The following ICAM3 variants were observed in gnomAD, a reference collection of about 807,000 sequenced individuals.
The protein encoded by ICAM3 is intercellular adhesion molecule 3.
Under a neutral mutation model 43.6 loss-of-function variants are expected in ICAM3, and 54 were observed. That is an observed-to-expected ratio of 1.24 (90% CI 0.99 to 1.55). The LOEUF is 1.55. Among genes scored for constraint, ICAM3 ranks in the 40% most tolerant of loss-of-function variants. The pLI is 0.00. For synonymous variants in ICAM3, 306 were observed against 312.6 expected (o/e 0.98, Z 0.22); for missense variants, 715 against 717.9 (o/e 1.00, Z 0.05).
rs376533851 is a variant in ICAM3, at chr19:10,338,708, G to A, written c.317C>T (p.Thr106Ile). Residue 106 changes from threonine (T) to isoleucine (I), a missense_variant, in exon 2 of 7, where the codon ACA becomes ATA. Physicochemically the swap from Thr to Ile is moderately conservative, Grantham distance 89. Coordinates refer to ENST00000160262, the MANE Select transcript of ICAM3 (RefSeq NM_002162.5). ...GTACACGGTGATGTTAGAGGAGCCT[G>A]TTATCTGAGAGCCATTGCAGTACAC... is the stretch of plus-strand genomic sequence containing the variant. The part of the protein sequence containing the change: ...CSVYCNGSQI[T>I]GSSNITVYRL... The A allele has an allele frequency of 6.2e-7, 1 of 1,614,100 alleles. No homozygotes were observed. Among genetic ancestry groups the A allele is most frequent in the Non-Finnish European group, 8.5e-7 (1 of 1,180,000 alleles).
chr19:10,339,498 A>G, intron 1 of ICAM3, 41 bp downstream of exon 1: 1 of 1,573,046 alleles, frequency 6.4e-7, no homozygotes, highest in South Asian at 1.1e-5. Context: ...GATCCCCAAA[A>G]CGCAGCCCTC....
chr19:10,339,607 G>C lies in ICAM3; in HGVS notation c.8C>G (p.Thr3Ser), dbSNP rs758342700. 5 of 1,613,810 alleles carry C rather than the reference G, an allele frequency of 3.1e-6. No homozygotes were observed. Among genetic ancestry groups the C allele is most frequent in the Non-Finnish European group, 3.4e-6 (4 of 1,179,910 alleles). ...GGGCCACAACACGGATGGTACCATG[G>C]TGGCCATTCTGACAGAGGAAGGTGC... MA[T>S]MVPSVLWPRA... The change falls in exon 1 of 7, where the codon ACC becomes AGC. Residue 3 changes from threonine to serine, a missense_variant. Thr to Ser is a moderately conservative substitution (Grantham distance 58, BLOSUM62 1). Transcript: ENST00000160262.
intron 2 of ICAM3, among the ~76,000 whole-genome samples, chr19:10,337,943 G>A (rs2040615814): frequency 6.6e-6 from 1 of 152,126 alleles, no homozygotes; most frequent in Non-Finnish European, 1.5e-5. Flanking sequence ...TGTAATCCCA[G>A]CACTTTGAGA....
chr19:10,333,919 G>C lies in ICAM3; in HGVS notation c.1582C>G (p.Leu528Val). The C allele has an allele frequency of 6.2e-7, 1 of 1,614,176 alleles. No homozygotes were observed. The highest frequency in any genetic ancestry group is 8.5e-7 in the Non-Finnish European group (1 of 1,180,042). Residue 528 changes from leucine (L) to valine (V), a missense_variant, in exon 7 of 7, where the codon CTG becomes GTG. Physicochemically the swap from Leu to Val is conservative, Grantham distance 32. Transcript: ENST00000160262. This position sits in a 1 kb window ranked among gnomAD's most constrained non-coding sequence, Gnocchi z 4.2. ...GTCGGCTGCATAGACGTGAGGGGCAGATAGGTGCTCTCCTCCCTAACATGG... is the reference window on the plus strand; with the variant it reads ...GTCGGCTGCATAGACGTGAGGGGCACATAGGTGCTCTCCTCCCTAACATGG... ...SYHVREESTY[L>V]PLTSMQPTEA...
In ICAM3 at chr19:10,335,710, A is replaced by G; in HGVS notation, c.610T>C (p.Phe204Leu). The G allele has an allele frequency of 6.2e-7, 1 of 1,609,342 alleles. No homozygotes were observed. The highest frequency in any genetic ancestry group is 8.5e-7 in the Non-Finnish European group (1 of 1,178,364). Residue 204 changes from phenylalanine to leucine, a missense_variant, in exon 3 of 7, where the codon TTC becomes CTC. Phe to Leu is a conservative substitution (Grantham distance 22, BLOSUM62 0). Coordinates refer to ENST00000160262, the MANE Select transcript of ICAM3 (RefSeq NM_002162.5). ...LDMQPQGLGL[F>L]VNTSAPRQLR... ...TGGCGGGGGGCTGAGGTGTTCACGA[A>G]CAGTCCCAGCCCCTGGGGCTGCATG... is the stretch of plus-strand genomic sequence containing the variant.
At position 10,334,898 on chromosome 19, in the gene ICAM3, A is replaced by G. The variant is rs2040570537; in HGVS notation, c.938-116T>C. 1.4e-6 allele frequency: 2 copies of G among 1,460,988 alleles called. No individual in the cohort carries two copies. Among genetic ancestry groups the G allele is most frequent in the South Asian group, 2.7e-5 (2 of 73,526 alleles). The allele number at this position is 1,460,988 out of a possible 1,614,324, so 90.5% of individuals were successfully genotyped here. ...ATCCGGGCCACGCTTTCGGCCGTTC[A>G]AGCCTCGCCCTCTTTCCGCGCTGTG... On this transcript the variant is annotated intron_variant, in intron 4 of 6. Coordinates refer to ENST00000160262, the MANE Select transcript of ICAM3 (RefSeq NM_002162.5). This position sits in a 1 kb window ranked among gnomAD's most constrained non-coding sequence, Gnocchi z 5.5.
At position 10,334,087 on chromosome 19, in the gene ICAM3, T is replaced by C. The variant is rs544182900; in HGVS notation, c.1442-28A>G. ...GTGCAGAGAAAGCGCTAAGTCAATA[T>C]GCGTCCCTTCTGTCTCCAACCCCCC... On this transcript the variant is annotated intron_variant, in intron 6 of 6. Coordinates refer to ENST00000160262, the MANE Select transcript of ICAM3 (RefSeq NM_002162.5). This position sits in a 1 kb window ranked among gnomAD's most constrained non-coding sequence, Gnocchi z 5.5. The C allele has an allele frequency of 6.2e-7, 1 of 1,612,068 alleles. No homozygotes were observed. The highest frequency in any genetic ancestry group is 2.2e-5 in the East Asian group (1 of 44,818).
Position 10,334,665 on chromosome 19 carries a change from G to A in ICAM3, c.1055C>T (p.Ala352Val). The A allele has an allele frequency of 1.9e-6, 3 of 1,613,310 alleles. No individual in the cohort carries two copies. The highest frequency in any genetic ancestry group is 1.3e-5 in the African/African-American group (1 of 75,038). Residue 352 changes from alanine to valine, a missense_variant, in exon 5 of 7, where the codon GCG becomes GTG. Physicochemically the swap from Ala to Val is moderately conservative, Grantham distance 64. Transcript: ENST00000160262. This position sits in a 1 kb window ranked among gnomAD's most constrained non-coding sequence, Gnocchi z 5.5. ...AAGTTGAGCTGGCTGCCCCGGGGCCGCGGCCGGAACTCCGTCCAGCGTGAC... is the reference window on the plus strand; with the variant it reads ...AAGTTGAGCTGGCTGCCCCGGGGCCACGGCCGGAACTCCGTCCAGCGTGAC... ...VQVTLDGVPA[A>V]APGQPAQLQL...
At position 10,334,718 on chromosome 19, in the gene ICAM3, C is replaced by A. The variant is rs533801108; in HGVS notation, c.1002G>T (p.Val334=). 1 of 1,613,280 alleles carries A rather than the reference C, an allele frequency of 6.2e-7. No individual in the cohort carries two copies. The highest frequency in any genetic ancestry group is 1.3e-5 in the African/African-American group (1 of 75,066). The change falls in exon 5 of 7, where the codon GTG becomes GTT. Residue 334 remains valine, a synonymous_variant. Coordinates refer to ENST00000160262, the MANE Select transcript of ICAM3 (RefSeq NM_002162.5). The surrounding 1 kb of genome is among the most constrained non-coding windows in gnomAD (Gnocchi z 5.5). ...PTAHEGSTVT[V]SCMAGARVQV... is the part of the protein sequence containing the mutation. The stretch of plus-strand genomic sequence containing the variant: ...GGACTCGAGCCCCAGCCATGCAACT[C>A]ACGGTCACTGTGGACCCCTCATGGG...
chr19:10,338,167 GCT>G (rs939959887), intron 2 of ICAM3, among the ~76,000 whole-genome samples: 7 of 152,102 alleles, frequency 4.6e-5, no homozygotes, highest in African/African-American at 1.7e-4. Flanking sequence ...ACTTTGGGAG[GCT>G]GAGGTGGGCG....
At chr19:10,335,026 G>T in intron 4 of ICAM3, 40 bp downstream of exon 4, 1 of 1,589,758 alleles carries the variant, frequency 6.3e-7, no homozygotes, top group South Asian at 1.1e-5. Context: ...CACGCCCCCA[G>T]ACTGCTGAGG....
intron 3 of ICAM3, 42 bp from the exon 4 acceptor site, chr19:10,335,395 C>G: frequency 6.6e-7 from 1 of 1,508,612 alleles, no homozygotes. Context: ...CAGGACTGTG[C>G]CTTCCCCAGG....
chr19:10,338,581 T>C, intron 2 of ICAM3, 101 bp downstream of exon 2: 1 of 1,082,674 alleles, frequency 9.2e-7, no homozygotes, highest in Non-Finnish European at 1.4e-6. Context: ...AGAACTGTGG[T>C]CCATTCTTTG....
Position 10,334,208 on chromosome 19 carries a change from A to G in ICAM3, c.1393T>C (p.Ser465Pro), listed in dbSNP as rs777934915. ...AGGGTGTATTTGCCTCGTGAGCTGG[A>G]CGCTTGGCACTGATAAGTACCATTA... ...THNGTYQCQA[S>P]SSRGKYTLVV... The change falls in exon 6 of 7, where the codon TCC becomes CCC. Residue 465 changes from serine to proline, a missense_variant. Coordinates refer to ENST00000160262, the MANE Select transcript of ICAM3 (RefSeq NM_002162.5). The surrounding 1 kb of genome is among the most constrained non-coding windows in gnomAD (Gnocchi z 5.5). 11 of 1,613,716 alleles carry G rather than the reference A, an allele frequency of 6.8e-6. No homozygotes were observed. In the Admixed American group the frequency reaches 1.2e-4, roughly 17 times the overall value.
chr19:10,337,424 A>AAC, intron 2 of ICAM3, among the ~76,000 whole-genome samples: 1 of 149,360 alleles, frequency 6.7e-6, no homozygotes, highest in African/African-American at 2.4e-5. Flanking sequence ...CTCAAAAAAA[A>AAC]AAAAAAAGAA....
At position 10,334,596 on chromosome 19, in the gene ICAM3, CAGA is replaced by C; in HGVS notation, c.1121_1123del (p.Phe374del). ...GCCGTCCACCTCGAGAGTGGCACTGCAGAAGAAGCTGCGTCCGTCGTCACTCTC... is the reference window on the plus strand; with the variant it reads ...GCCGTCCACCTCGAGAGTGGCACTGCAGAAGCTGCGTCCGTCGTCACTCTC... On this transcript the variant is annotated inframe_deletion, in exon 5 of 7. Transcript: ENST00000160262. The surrounding 1 kb of genome is among the most constrained non-coding windows in gnomAD (Gnocchi z 5.5). 1 of 1,613,788 alleles carries C rather than the reference CAGA, an allele frequency of 6.2e-7. No individual in the cohort carries two copies. The highest frequency in any genetic ancestry group is 8.5e-7 in the Non-Finnish European group (1 of 1,180,008).
Position 10,339,563 on chromosome 19 carries a change from G to A in ICAM3, c.52C>T (p.Leu18=). ...CCTGGGGTCAGCAGACAGCAGACCA[G>A]CAGAGTCCAGCAGGCCCTGGGCCAC... ...VLWPRACWTL[L]VCCLLTPGVQ... is the part of the protein sequence containing the mutation. Residue 18 remains leucine, a synonymous_variant, in exon 1 of 7, where the codon CTG becomes TTG. Coordinates refer to ENST00000160262, the MANE Select transcript of ICAM3 (RefSeq NM_002162.5). The A allele has an allele frequency of 6.2e-7, 1 of 1,614,060 alleles. No individual in the cohort carries two copies. The highest frequency in any genetic ancestry group is 8.5e-7 in the Non-Finnish European group (1 of 1,179,968).
intron 1 of ICAM3, 63 bp from the exon 2 acceptor site, chr19:10,339,011 G>T: frequency 6.4e-7 from 1 of 1,560,756 alleles, no homozygotes. Context: ...GCATCAACAG[G>T]CCCCACCATT....
chr19:10,338,324 A>C (rs1387841822), intron 2 of ICAM3, among the ~76,000 whole-genome samples: 1 of 150,496 alleles, frequency 6.6e-6, no homozygotes, highest in African/African-American at 2.5e-5. Flanking sequence ...AATCACTTGA[A>C]CCCAGGAGGC....
Sources: gnomAD v4.1 joint callset for allele counts (sites outside exome capture counted in the v4.1 genomes callset) on GRCh38, gnomAD v4.1.1 for gene constraint, Gnocchi (gnomAD v3.1) non-coding constraint, MANE v1.5 for transcripts, NCBI Gene and HGNC (gene_info 2026-07-23, HGNC 2026-07-21) for gene names.